UBN2: variants seen among roughly 807,000 people sequenced by gnomAD.
The protein encoded by UBN2 is ubinuclein 2, also known as ubinuclein-2.
A neutral mutation model predicts 120.2 loss-of-function variants in UBN2; 35 were observed. That is an observed-to-expected ratio of 0.29 (90% CI 0.22 to 0.39). The LOEUF (loss-of-function observed/expected upper bound fraction) is 0.39. UBN2 is among the 10% of genes least tolerant of loss of function. The probability of loss-of-function intolerance (pLI) is 1.00; values close to 1 mark genes in which losing one functional copy is unlikely to be tolerated. For synonymous variants in UBN2, 661 were observed against 648.7 expected (o/e 1.02, Z -0.29); for missense variants, 1,693 against 1,663.2 (o/e 1.02, Z -0.31).
chr7:139,241,391 T>C (rs1046893611), intron 2 of UBN2, among the ~76,000 whole-genome samples: 2 of 152,240 alleles, frequency 1.3e-5, no homozygotes, highest in African/African-American at 2.4e-5. Flanking sequence ...GGAAGACATA[T>C]ATTCTGCCAG....
At chr7:139,325,488 C>T in the UBN2 span, among the ~76,000 whole-genome samples, 1 of 151,994 alleles carries the variant, frequency 6.6e-6, no homozygotes, top group Non-Finnish European at 1.5e-5. Context: ...AGGCTAGTCT[C>T]GAACCCTTGA....
At chr7:139,266,295 C>A in intron 6 of UBN2, 38 bp from the exon 7 acceptor site, 1 of 1,282,320 alleles carries the variant, frequency 7.8e-7, no homozygotes, top group Non-Finnish European at 1.1e-6. Flanking sequence ...AGAGTAATGG[C>A]CTATTTTGAT....
chr7:139,266,498 C>T lies in UBN2; in HGVS notation c.1466+95C>T, dbSNP rs1016069149. 6.1e-6 allele frequency: 4 copies of T among 657,540 alleles called. No individual in the cohort carries two copies. The Admixed American group carries it at 1.1e-4, about 18-fold the overall frequency. The allele number at this position is 657,540 out of a possible 1,614,324, so 40.7% of individuals were successfully genotyped here. On this transcript the variant is annotated intron_variant, in intron 7 of 17. Transcript: ENST00000473989. Reference sequence around the variant, plus strand: ...TACTGAGTGGTTGGCAAGTCTTGGGCATGAGTTCTTCCCCTTAAGCCTTAC... The same window carrying T: ...TACTGAGTGGTTGGCAAGTCTTGGGTATGAGTTCTTCCCCTTAAGCCTTAC...
chr7:139,254,686 A>G (rs1019960357), intron 3 of UBN2, among the ~76,000 whole-genome samples: 5 of 152,252 alleles, frequency 3.3e-5, no homozygotes, highest in African/African-American at 1.2e-4. Flanking sequence ...TTATGTGTAC[A>G]TTTTGAATTC....
At chr7:139,265,769 A>G (rs1360788961) in intron 6 of UBN2, among the ~76,000 whole-genome samples, 1 of 152,196 alleles carries the variant, frequency 6.6e-6, no homozygotes, top group African/African-American at 2.4e-5. Flanking sequence ...GGCTGTGTCC[A>G]AAGAATGCTG....
In UBN2 at chr7:139,261,788, GAATT is replaced by G. The variant is rs1264824006; in HGVS notation, c.1395+51_1395+54del. On this transcript the variant is annotated intron_variant, in intron 6 of 17. Coordinates refer to ENST00000473989, the MANE Select transcript of UBN2 (RefSeq NM_173569.4). The stretch of plus-strand genomic sequence containing the variant: ...CTTTTTATTTGCTGCACAAACATAA[GAATT>G]AATGCTTTTGTTCGTTTGTTTTTAT... 1.9e-6 allele frequency: 3 copies of G among 1,552,378 alleles called. No individual in the cohort carries two copies. In the African/African-American group the frequency reaches 4.1e-5, roughly 21 times the overall value.
downstream of UBN2, among the ~76,000 whole-genome samples, chr7:139,310,946 G>A (rs977210053): frequency 2.0e-5 from 3 of 152,130 alleles, no homozygotes; most frequent in African/African-American, 7.2e-5. Context: ...GTTACTATCA[G>A]AGGTAAACCA....
the UBN2 span, among the ~76,000 whole-genome samples, chr7:139,324,571 A>AAG: frequency 4.1e-3 from 567 of 137,554 alleles, 1 homozygote; most frequent in Middle Eastern, 0.015. Context: ...AAAAAAAAAA[A>AAG]AAAAGAAAAA....
chr7:139,325,905 G>C, the UBN2 span, among the ~76,000 whole-genome samples: 1 of 152,062 alleles, frequency 6.6e-6, no homozygotes, highest in Non-Finnish European at 1.5e-5. Context: ...AAAAACATGG[G>C]CATTGCACCG....
At chr7:139,240,448 ATATATATT>A (rs1563202398) in intron 2 of UBN2, among the ~76,000 whole-genome samples, 1 of 35,522 alleles carries the variant, frequency 2.8e-5, no homozygotes, top group African/African-American at 6.4e-5. Context: ...ATATATATAT[ATATATATT>A]TTTTTTTTTA....
chr7:139,308,472 A>G (rs958911526), downstream of UBN2, among the ~76,000 whole-genome samples: 1 of 152,164 alleles, frequency 6.6e-6, no homozygotes, highest in African/African-American at 2.4e-5. Flanking sequence ...TTCCATTGCT[A>G]CCTGACATTT....
Position 139,258,617 on chromosome 7 carries a change from C to T in UBN2, c.793C>T (p.Pro265Ser), listed in dbSNP as rs1796835619. 1 of 1,594,626 alleles carries T rather than the reference C, an allele frequency of 6.3e-7. No homozygotes were observed. Among genetic ancestry groups the T allele is most frequent in the East Asian group, 2.2e-5 (1 of 44,650 alleles). The change falls in exon 4 of 18, where the codon CCA (proline) becomes TCA (serine). Residue 265 changes from proline to serine, a missense_variant. Pro to Ser is a moderately conservative substitution (Grantham distance 74). This residue lies in a region of UBN2 where 663 missense variants were observed against 591.2 expected (regional missense o/e 1.12). Coordinates refer to ENST00000473989, the MANE Select transcript of UBN2 (RefSeq NM_173569.4). The part of the protein sequence containing the change: ...DDITDNQKHK[P>S]PKVPKIKEDD... Reference sequence around the variant, plus strand: ...TATTACAGACAACCAAAAGCACAAGCCACCCAAGGTGAGTTTATCAAACAT... The same window carrying T: ...TATTACAGACAACCAAAAGCACAAGTCACCCAAGGTGAGTTTATCAAACAT...
chr7:139,272,517 TG>T, intron 9 of UBN2, 77 bp downstream of exon 9: 1 of 812,480 alleles, frequency 1.2e-6, no homozygotes. Flanking sequence ...TATGTATGTA[TG>T]TATGTATGTA....
chr7:139,326,222 C>T, the UBN2 span, among the ~76,000 whole-genome samples: 2 of 152,180 alleles, frequency 1.3e-5, no homozygotes, highest in African/African-American at 2.4e-5. Flanking sequence ...TGCCCCTGCA[C>T]TCCAGCGTGG....
downstream of UBN2, among the ~76,000 whole-genome samples, chr7:139,313,186 T>TTTTG (rs1383649906): frequency 9.9e-5 from 15 of 152,182 alleles, no homozygotes; most frequent in Admixed American, 9.2e-4. Context: ...AAATATTGAT[T>TTTTG]AGGATTGAAT....
chr7:139,261,173 A>T (rs934936885), intron 5 of UBN2, 79 bp from the exon 6 acceptor site: 2 of 1,473,608 alleles, frequency 1.4e-6, no homozygotes, highest in Non-Finnish European at 1.8e-6. Flanking sequence ...TATTATTTTA[A>T]TTCTGTGCCT....
intron 8 of UBN2, 49 bp downstream of exon 8, chr7:139,269,572 A>C (rs1439868169): frequency 6.3e-7 from 1 of 1,594,736 alleles, no homozygotes; most frequent in East Asian, 2.2e-5. Flanking sequence ...ATAACCTGTA[A>C]AGATACTTGT....
chr7:139,320,943 T>G, the UBN2 span, among the ~76,000 whole-genome samples: 2 of 152,094 alleles, frequency 1.3e-5, no homozygotes, highest in African/African-American at 4.8e-5. Context: ...ATGTAAAAAT[T>G]CTATATTAGC....
At chr7:139,296,198 AAAAC>A (rs750776902) in intron 17 of UBN2, among the ~76,000 whole-genome samples, 7 of 152,256 alleles carry the variant, frequency 4.6e-5, no homozygotes, top group Non-Finnish European at 1.0e-4. Context: ...TATTTAGTCT[AAAAC>A]AAAGGTCAGT....
Sources: allele counts gnomAD v4.1 joint callset (sites outside exome capture counted in the v4.1 genomes callset), GRCh38; gene constraint gnomAD v4.1.1; regional missense constraint gnomAD v4.1.1; transcripts MANE v1.5; gene names NCBI Gene and HGNC (gene_info 2026-07-23, HGNC 2026-07-21).